Variants in STRA6 observed in about 807,000 individuals in gnomAD.
STRA6 encodes the protein receptor for retinol uptake STRA6.
STRA6 carries 48 observed loss-of-function variants against 83.6 expected under a neutral mutation model. The observed-to-expected ratio is 0.57, with a 90% CI of 0.46 to 0.73. STRA6 has a LOEUF of 0.73. Ranked by LOEUF, STRA6 falls within the 30% of genes least tolerant of loss-of-function variation. The pLI, the probability that STRA6 is intolerant of heterozygous loss-of-function variation, is 0.00. For synonymous variants in STRA6, 353 were observed against 362.3 expected (o/e 0.97, Z 0.29); for missense variants, 760 against 838.8 (o/e 0.91, Z 1.16).
chr15:74,202,343 GAAAA>G, intron 1 of STRA6, 61 bp from the exon 2 acceptor site: 1 of 1,556,330 alleles, frequency 6.4e-7, no homozygotes, highest in Non-Finnish European at 8.7e-7. Context: ...GCTTAAAAGA[GAAAA>G]AAAAAGAAAG....
chr15:74,195,475 G>T lies in STRA6; in HGVS notation c.431-7C>A. On this transcript the variant is annotated splice_region_variant and splice_polypyrimidine_tract_variant and intron_variant, in intron 6 of 18. Coordinates refer to ENST00000395105, the MANE Select transcript of STRA6 (RefSeq NM_022369.4). ...CCCAGTATCTTCCAGGCCCCTGGAA[G>T]GTGAAACAAGCAGAGAGACCCATGC... 1.2e-6 allele frequency: 2 copies of T among 1,612,592 alleles called. No homozygotes were observed. The highest frequency in any genetic ancestry group is 1.7e-6 in the Non-Finnish European group (2 of 1,179,654).
rs537549911 is a variant in STRA6, at chr15:74,186,715, G to A, written c.1091-1660C>T. 5.9e-5 allele frequency among the ~76,000 whole-genome samples: 9 copies of A among 152,284 alleles called. No homozygotes were observed. The South Asian group carries it at 1.9e-3, about 32-fold the overall frequency. On this transcript the variant is annotated intron_variant, in intron 12 of 18. Transcript: ENST00000395105. Reference sequence around the variant, plus strand: ...GAACCCAGGAGGTGGAGGTTGCAGTGAGCCGAGATTGCACCACTGCACTCC... The same window carrying A: ...GAACCCAGGAGGTGGAGGTTGCAGTAAGCCGAGATTGCACCACTGCACTCC...
chr15:74,197,642 C>A (rs780243523), intron 3 of STRA6, 110 bp downstream of exon 3: 65 of 1,425,280 alleles, frequency 4.6e-5, no homozygotes, highest in Admixed American at 7.7e-5. Context: ...TAGCTCCCCC[C>A]ACCCAGGATC....
intron 2 of STRA6, among the ~76,000 whole-genome samples, chr15:74,199,329 G>A (rs1377923336): frequency 6.6e-6 from 1 of 152,176 alleles, no homozygotes; most frequent in Non-Finnish European, 1.5e-5. Flanking sequence ...GAGAGGCAGA[G>A]TAAGTCAGCT....
At chr15:74,184,136 G>A (rs2073127632) in intron 13 of STRA6, 147 bp from the exon 14 acceptor site, 2 of 1,177,184 alleles carry the variant, frequency 1.7e-6, no homozygotes, top group Non-Finnish European at 2.4e-6. Flanking sequence ...GAGCCAGGAG[G>A]AGGCCACTAA....
At chr15:74,203,131 G>A, upstream of STRA6, 1 of 985,594 alleles carries the variant, frequency 1.0e-6, no homozygotes, top group Non-Finnish European at 1.2e-6. Context: ...GGCTGGGGCG[G>A]AGGCAGGGAA....
chr15:74,211,454 G>A (rs1334475998), upstream of STRA6, among the ~76,000 whole-genome samples: 6 of 140,260 alleles, frequency 4.3e-5, no homozygotes, highest in African/African-American at 1.3e-4. Context: ...AGGCTGGAGT[G>A]CAATGGTGCT....
At chr15:74,190,954 G>A (rs753965483) in intron 10 of STRA6, 53 bp from the exon 11 acceptor site, 2 of 1,611,640 alleles carry the variant, frequency 1.2e-6, no homozygotes, top group Non-Finnish European at 1.7e-6. Flanking sequence ...AGGCCCGGGA[G>A]CCCTCCTCCC....
intron 8 of STRA6, 34 bp from the exon 9 acceptor site, chr15:74,191,525 A>C: frequency 1.9e-6 from 3 of 1,595,940 alleles, no homozygotes; most frequent in South Asian, 2.2e-5. Context: ...AGCAGATGAG[A>C]TCTGCCTCGA....
upstream of STRA6, chr15:74,209,600 C>T (rs2074338485): frequency 3.1e-6 from 2 of 650,134 alleles, no homozygotes; most frequent in African/African-American, 1.8e-5. Flanking sequence ...TTTCTCACTT[C>T]TCACAGACAG....
upstream of STRA6, among the ~76,000 whole-genome samples, chr15:74,211,910 ACT>A (rs1169726157): frequency 2.9e-5 from 4 of 138,486 alleles, no homozygotes; most frequent in South Asian, 4.7e-4. Context: ...TCTCTCTATC[ACT>A]CTCTCTGTTG....
upstream of STRA6, chr15:74,203,024 G>T (rs897511697): frequency 1.0e-6 from 1 of 985,808 alleles, no homozygotes; most frequent in African/African-American, 1.7e-5. Flanking sequence ...GCCTGCCCCA[G>T]AGCTCCCAAG....
chr15:74,191,612 C>T (rs987775965), intron 8 of STRA6, 121 bp from the exon 9 acceptor site: 31 of 858,414 alleles, frequency 3.6e-5, no homozygotes, highest in Admixed American at 9.3e-5. Flanking sequence ...TTGGCCATGG[C>T]GGTGGTGGTG....
At chr15:74,187,950 T>C (rs2073336658) in intron 12 of STRA6, among the ~76,000 whole-genome samples, 1 of 152,148 alleles carries the variant, frequency 6.6e-6, no homozygotes, top group Admixed American at 6.5e-5. Flanking sequence ...TGAGGTTGGT[T>C]GTGGGCTGAC....
chr15:74,208,750 C>T, intron 1 of STRA6: 4 of 988,674 alleles, frequency 4.0e-6, no homozygotes, highest in Non-Finnish European at 4.8e-6. Flanking sequence ...CTCGCTGTTC[C>T]CCGACCTGTT....
chr15:74,181,025 G>A, intron 17 of STRA6, 88 bp from the exon 18 acceptor site: 1 of 1,551,528 alleles, frequency 6.4e-7, no homozygotes, highest in Non-Finnish European at 8.8e-7. Flanking sequence ...CACAGGGAGT[G>A]CACGTGCACT....
At chr15:74,198,119 T>TC (rs1197718996) in intron 2 of STRA6, among the ~76,000 whole-genome samples, 2 of 151,772 alleles carry the variant, frequency 1.3e-5, no homozygotes, top group Non-Finnish European at 2.9e-5. Flanking sequence ...TTTTTTTTTT[T>TC]CTGGAGGGAC....
intron 7 of STRA6, chr15:74,194,511 G>T: frequency 4.4e-6 from 2 of 457,022 alleles, no homozygotes; most frequent in Non-Finnish European, 6.3e-6. Context: ...CTGAGGGACT[G>T]GTGTTATCAG....
intron 11 of STRA6, among the ~76,000 whole-genome samples, chr15:74,190,588 T>C (rs1345564165): frequency 1.3e-5 from 2 of 151,948 alleles, no homozygotes; most frequent in Non-Finnish European, 2.9e-5. Flanking sequence ...ACACAGGAGG[T>C]AAATAGTGGA....
Sources: gnomAD v4.1 joint callset for allele counts (sites outside exome capture counted in the v4.1 genomes callset) on GRCh38, gnomAD v4.1.1 for gene constraint, MANE v1.5 for transcripts, NCBI Gene and HGNC (gene_info 2026-07-23, HGNC 2026-07-21) for gene names.